The following MTM1 variants were observed in gnomAD, a reference collection of about 807,000 sequenced individuals.
The protein encoded by MTM1 is myotubularin.
MTM1 carries 9 observed loss-of-function variants against 52.1 expected under a neutral mutation model. The ratio of observed to expected loss-of-function variants is 0.17; its 90% CI spans 0.10 to 0.30. MTM1 has a LOEUF of 0.30. Ranked by LOEUF, MTM1 falls within the 10% of genes least tolerant of loss-of-function variation. MTM1 has a pLI of 1.00. For synonymous variants in MTM1, 136 were observed against 163.8 expected, an observed-to-expected ratio of 0.83 and a Z score of 1.29; for missense variants, 277 against 470.7, an observed-to-expected ratio of 0.59 and a Z score of 3.81.
rs782496347 is a variant in MTM1, at chrX:150,570,327, G to A, written c.-11+1665G>A. 3.6e-5 allele frequency among the ~76,000 whole-genome samples: 4 copies of A among 111,722 alleles called. No homozygotes were observed. In the South Asian group the frequency reaches 1.1e-3, roughly 31 times the overall value. Reference sequence around the variant, plus strand: ...CTTACAATGACAGTGAAACAGGCTGGCATGATTGAGAATGACTTGGGCATT... The same window carrying A: ...CTTACAATGACAGTGAAACAGGCTGACATGATTGAGAATGACTTGGGCATT... On this transcript the variant is annotated intron_variant, in intron 1 of 14. Coordinates refer to ENST00000370396, the MANE Select transcript of MTM1 (RefSeq NM_000252.3).
chrX:150,667,994 T>A (rs1320574398), intron 14 of MTM1, among the ~76,000 whole-genome samples: 1 of 111,974 alleles, frequency 8.9e-6, no homozygotes, highest in Non-Finnish European at 1.9e-5. Context: ...CATTCTAGAT[T>A]TAGGGTGGGT....
chrX:150,613,729 T>C (rs1238852327), intron 4 of MTM1, among the ~76,000 whole-genome samples: 1 of 112,052 alleles, frequency 8.9e-6, no homozygotes, highest in Non-Finnish European at 1.9e-5. Context: ...GCCCCTAATG[T>C]AGTACCTGGC....
intron 8 of MTM1, among the ~76,000 whole-genome samples, chrX:150,642,629 C>T (rs1405642907): frequency 1.8e-5 from 2 of 111,650 alleles, no homozygotes; most frequent in Non-Finnish European, 3.8e-5. Flanking sequence ...TGTACCATAG[C>T]CACAGACTAC....
chrX:150,649,213 A>G (rs1336869516), intron 9 of MTM1, among the ~76,000 whole-genome samples: 2 of 112,495 alleles, frequency 1.8e-5, no homozygotes, highest in African/African-American at 6.5e-5. Context: ...TCACATGGCA[A>G]GGAGAAGCTG....
intron 1 of MTM1, among the ~76,000 whole-genome samples, chrX:150,573,780 T>C (rs2082354272): frequency 8.9e-6 from 1 of 111,971 alleles, no homozygotes; most frequent in South Asian, 3.7e-4. Flanking sequence ...TATGCTGGAA[T>C]CCAGCAGGCC....
chrX:150,668,720 A>C (rs781787463), intron 14 of MTM1, among the ~76,000 whole-genome samples: 1 of 108,448 alleles, frequency 9.2e-6, no homozygotes, highest in East Asian at 2.9e-4. Context: ...TGTCTCTTTA[A>C]AAAAAAAACA....
intron 1 of MTM1, among the ~76,000 whole-genome samples, chrX:150,585,013 G>C (rs781951015): frequency 9.1e-6 from 1 of 110,149 alleles, no homozygotes; most frequent in South Asian, 3.9e-4. Context: ...GGAACTCCTG[G>C]ATGTGGAGGG....
At chrX:150,625,859 A>C (rs1380631240) in intron 6 of MTM1, among the ~76,000 whole-genome samples, 2 of 112,617 alleles carry the variant, frequency 1.8e-5, no homozygotes, top group Admixed American at 9.3e-5. Flanking sequence ...CAGGTGAGGT[A>C]ACTTGCTCTT....
chrX:150,623,514 G>A (rs932029548), intron 6 of MTM1, among the ~76,000 whole-genome samples: 11 of 110,972 alleles, frequency 9.9e-5, no homozygotes, highest in Non-Finnish European at 1.5e-4. Flanking sequence ...AGAGTGGCAG[G>A]CATGTTGAGG....
chrX:150,607,820 G>A (rs1280774482), intron 4 of MTM1, among the ~76,000 whole-genome samples: 1 of 111,615 alleles, frequency 9.0e-6, no homozygotes, highest in Non-Finnish European at 1.9e-5. Flanking sequence ...ACCGCAAACA[G>A]TTTCTCCCTC....
At chrX:150,592,027 TG>T (rs2148424604) in intron 1 of MTM1, among the ~76,000 whole-genome samples, 1 of 112,616 alleles carries the variant, frequency 8.9e-6, no homozygotes, top group African/African-American at 3.2e-5. Context: ...TGAATTGTGA[TG>T]AATATGCATT....
Position 150,645,740 on chromosome X carries a change from C to T in MTM1, c.736C>T (p.Leu246Phe), listed in dbSNP as rs781984239. ...KTVIVRCSQPLVGMSGKRNKD... is the reference protein window; with the variant it reads ...KTVIVRCSQPFVGMSGKRNKD... Reference sequence around the variant, plus strand: ...GGTCATTGTGCGTTGCAGTCAGCCTCTTGTCGGTATGAGTGGGAAACGAAA... The same window carrying T: ...GGTCATTGTGCGTTGCAGTCAGCCTTTTGTCGGTATGAGTGGGAAACGAAA... The change falls in exon 9 of 15, where the codon CTT becomes TTT. Residue 246 changes from leucine (L) to phenylalanine (F), a missense_variant. By Grantham distance (22) the Leu-to-Phe change is conservative (BLOSUM62 0). Coordinates refer to ENST00000370396, the MANE Select transcript of MTM1 (RefSeq NM_000252.3). 1 of 1,211,250 alleles carries T rather than the reference C, an allele frequency of 8.3e-7. No homozygotes were observed. The highest frequency in any genetic ancestry group is 1.1e-6 in the Non-Finnish European group (1 of 894,957).
intron 2 of MTM1, among the ~76,000 whole-genome samples, chrX:150,593,553 G>C (rs1001113695): frequency 8.9e-5 from 10 of 111,888 alleles, no homozygotes; most frequent in Non-Finnish European, 1.9e-4. Flanking sequence ...TTATCCACCA[G>C]AAAGGCTAAT....
intron 10 of MTM1, among the ~76,000 whole-genome samples, chrX:150,651,835 A>C (rs924166150): frequency 1.8e-5 from 2 of 111,160 alleles, no homozygotes; most frequent in South Asian, 7.7e-4. Flanking sequence ...GGAGGTGAGA[A>C]GTGGAGCTCA....
At chrX:150,636,336 C>T (rs781939383) in intron 6 of MTM1, among the ~76,000 whole-genome samples, 5 of 111,562 alleles carry the variant, frequency 4.5e-5, no homozygotes, top group Non-Finnish European at 9.4e-5. Context: ...GGCCATATAG[C>T]TTTGATTTTC....
At chrX:150,606,487 G>A (rs1262219542) in intron 4 of MTM1, among the ~76,000 whole-genome samples, 4 of 111,416 alleles carry the variant, frequency 3.6e-5, no homozygotes, top group Non-Finnish European at 7.5e-5. Context: ...GTCTCAGATT[G>A]ACTTCTCACT....
At chrX:150,617,698 G>A (rs1223305940) in intron 5 of MTM1, among the ~76,000 whole-genome samples, 1 of 112,026 alleles carries the variant, frequency 8.9e-6, no homozygotes, top group Non-Finnish European at 1.9e-5. Flanking sequence ...CCTTCAGACT[G>A]AAGACTTGGG....
chrX:150,663,327 G>A, intron 13 of MTM1, 106 bp from the exon 14 acceptor site: 1 of 871,555 alleles, frequency 1.1e-6, no homozygotes, highest in Admixed American at 2.5e-5. Flanking sequence ...GTAAATGTGT[G>A]ATTCAATTTG....
rs1431435716 is a variant in MTM1 at position 150,596,581 on chromosome X, G to C, written c.136+11G>C. ...AAACACTAATCACTGGTAAGGACCT[G>C]CTGACATAAGATTTGCATAACTTGA... On this transcript the variant is annotated intron_variant, in intron 3 of 14. Transcript: ENST00000370396. 8.4e-7 allele frequency: 1 copy of C among 1,190,792 alleles called. No individual in the cohort carries two copies. The highest frequency in any genetic ancestry group is 3.0e-5 in the East Asian group (1 of 33,680).
Sources: gnomAD v4.1 joint callset for allele counts (sites outside exome capture counted in the v4.1 genomes callset) on GRCh38, gnomAD v4.1.1 for gene constraint, MANE v1.5 for transcripts, NCBI Gene and HGNC (gene_info 2026-07-23, HGNC 2026-07-21) for gene names.